TLK1: variants seen among roughly 807,000 people sequenced by gnomAD.
TLK1 encodes serine/threonine-protein kinase tousled-like 1.
A neutral mutation model predicts 105.3 loss-of-function variants in TLK1; 24 were observed. The ratio of observed to expected loss-of-function variants is 0.23; its 90% CI spans 0.17 to 0.32. The LOEUF (loss-of-function observed/expected upper bound fraction) is 0.32, where lower values mean the gene tolerates loss of function less well. TLK1 is among the 10% of genes least tolerant of loss of function. TLK1 has a pLI of 1.00. For synonymous variants in TLK1, 321 were observed against 310.4 expected, an observed-to-expected ratio of 1.03 and a Z score of -0.36; for missense variants, 558 against 910.5, an observed-to-expected ratio of 0.61 and a Z score of 4.98.
rs1692401977 is a variant in TLK1 at position 171,160,068 on chromosome 2, C to T, written c.139+222G>A. The stretch of plus-strand genomic sequence containing the variant: ...TCGCCCCGTCCCCACCAGCGCGCAC[C>T]CCCTCGTCCGTCTCCTCCGCCACCC... On this transcript the variant is annotated intron_variant, in intron 1 of 20. Transcript: ENST00000431350. The surrounding 1 kb of genome is among the most constrained non-coding windows in gnomAD (Gnocchi z 4.4). Among the ~76,000 whole-genome samples the T allele has an allele frequency of 6.6e-6, 1 of 152,162 alleles. No individual in the cohort carries two copies. Among genetic ancestry groups the T allele is most frequent in the Non-Finnish European group, 1.5e-5 (1 of 68,006 alleles).
At chr2:171,156,684 A>T (rs1041599819) in intron 1 of TLK1, among the ~76,000 whole-genome samples, 4 of 152,240 alleles carry the variant, frequency 2.6e-5, no homozygotes, top group African/African-American at 9.6e-5. Flanking sequence ...AGTGATTTCA[A>T]AAAATTAAAG....
chr2:171,056,421 T>C, intron 6 of TLK1, 50 bp downstream of exon 6: 1 of 1,483,238 alleles, frequency 6.7e-7, no homozygotes, highest in Non-Finnish European at 9.4e-7. Flanking sequence ...TTATTCAGTG[T>C]ACATAACCCT....
intron 1 of TLK1, among the ~76,000 whole-genome samples, chr2:171,221,784 GA>G (rs759152757): frequency 1.3e-5 from 2 of 152,052 alleles, no homozygotes; most frequent in African/African-American, 2.4e-5. Flanking sequence ...TGTACACATG[GA>G]AAAAAACATT....
intron 18 of TLK1, among the ~76,000 whole-genome samples, chr2:171,000,778 A>C (rs937470886): frequency 2.0e-5 from 3 of 152,170 alleles, no homozygotes; most frequent in African/African-American, 7.2e-5. Context: ...CAGTGCCTGT[A>C]TTATAGAAGG....
chr2:171,154,429 C>T (rs953739691), intron 1 of TLK1: 1 of 151,750 alleles, frequency 6.6e-6, no homozygotes, highest in African/African-American at 2.4e-5. Context: ...AAAAAACCAA[C>T]CTGAGAGTCA....
upstream of TLK1, among the ~76,000 whole-genome samples, chr2:171,163,183 T>G (rs550921836): frequency 6.6e-6 from 1 of 152,248 alleles, no homozygotes; most frequent in Admixed American, 6.5e-5. Flanking sequence ...TTAAGTAGTA[T>G]TACACTGAAT....
intron 1 of TLK1, chr2:171,155,780 A>G (rs1004556179): frequency 6.6e-6 from 1 of 152,152 alleles, no homozygotes. Context: ...CACTGTTCCA[A>G]GTCTAGTTGT....
upstream of TLK1, among the ~76,000 whole-genome samples, chr2:171,161,206 C>G (rs1229728147): frequency 6.7e-6 from 1 of 150,060 alleles, no homozygotes; most frequent in Non-Finnish European, 1.5e-5. Flanking sequence ...GCGCCCCCGC[C>G]GCGCCGCTCG....
intron 3 of TLK1, among the ~76,000 whole-genome samples, chr2:171,065,017 G>A (rs547945352): frequency 9.7e-5 from 14 of 144,446 alleles, no homozygotes; most frequent in Admixed American, 2.7e-4. Flanking sequence ...GTAGCCTGCT[G>A]CTTTTATCTT....
At chr2:171,181,162 T>G (rs1692922899) in intron 1 of TLK1, among the ~76,000 whole-genome samples, 1 of 152,238 alleles carries the variant, frequency 6.6e-6, no homozygotes, top group Non-Finnish European at 1.5e-5. Context: ...TTTAATGATC[T>G]TGAAACAAAA....
intron 1 of TLK1, among the ~76,000 whole-genome samples, chr2:171,142,705 CA>C (rs1487751772): frequency 6.6e-6 from 1 of 152,110 alleles, no homozygotes; most frequent in Non-Finnish European, 1.5e-5. Context: ...TGAATAGGAG[CA>C]AACAAATGCA....
rs1463326116 is a variant in TLK1, at chr2:171,054,054, A to G, written c.640-201T>C. ...CAGACTTACCAAGAAACATCTAGAA[A>G]GGCCAATTACTTAGAATACTGATGT... On this transcript the variant is annotated intron_variant, in intron 7 of 20. Coordinates refer to ENST00000431350, the MANE Select transcript of TLK1 (RefSeq NM_012290.5). The G allele has an allele frequency of 7.4e-6, 3 of 407,056 alleles. No homozygotes were observed. In the Admixed American group the frequency reaches 1.3e-4, roughly 18 times the overall value. 25.2% of individuals were successfully genotyped at this position (407,056 alleles called of 1,614,324 possible).
chr2:171,106,333 C>T (rs1197251293), intron 2 of TLK1, among the ~76,000 whole-genome samples: 1 of 152,168 alleles, frequency 6.6e-6, no homozygotes, highest in African/African-American at 2.4e-5. Flanking sequence ...ACTGGAAGAG[C>T]AGATTTCGAA....
intron 3 of TLK1, chr2:171,081,631 A>G: frequency 7.7e-7 from 1 of 1,303,150 alleles, no homozygotes; most frequent in Non-Finnish European, 1.0e-6. Context: ...AGGGGCTACT[A>G]ACGCTTACCT....
intron 2 of TLK1, among the ~76,000 whole-genome samples, chr2:171,089,936 G>T (rs1414606098): frequency 6.6e-6 from 1 of 152,088 alleles, no homozygotes; most frequent in African/African-American, 2.4e-5. Flanking sequence ...ACCATTCTTG[G>T]TCTTTACATT....
At chr2:171,132,237 T>C (rs779402788) in intron 1 of TLK1, among the ~76,000 whole-genome samples, 3 of 152,122 alleles carry the variant, frequency 2.0e-5, no homozygotes, top group Non-Finnish European at 4.4e-5. Context: ...TGCCAAACAC[T>C]TACAAAACCA....
chr2:171,135,307 GTGTGTGTGTGTGTATATATA>G (rs1691263845), intron 1 of TLK1, among the ~76,000 whole-genome samples: 3 of 101,960 alleles, frequency 2.9e-5, no homozygotes, highest in African/African-American at 1.7e-4. Flanking sequence ...GTGTGTTTGT[GTGTGTGTGTGTGTATATATA>G]TATATATATA....
At chr2:171,115,574 C>G (rs1175552386) in intron 2 of TLK1, among the ~76,000 whole-genome samples, 1 of 152,080 alleles carries the variant, frequency 6.6e-6, no homozygotes, top group South Asian at 2.1e-4. Context: ...TTTCCACCCA[C>G]GATGGCCAAG....
At chr2:171,096,914 G>C (rs1176082728) in intron 2 of TLK1, among the ~76,000 whole-genome samples, 1 of 152,080 alleles carries the variant, frequency 6.6e-6, no homozygotes. Flanking sequence ...CACCCAAAGT[G>C]ATCTACAGAT....
Sources: gnomAD v4.1 joint callset for allele counts (sites outside exome capture counted in the v4.1 genomes callset) on GRCh38, gnomAD v4.1.1 for gene constraint, Gnocchi (gnomAD v3.1) non-coding constraint, MANE v1.5 for transcripts, NCBI Gene and HGNC (gene_info 2026-07-23, HGNC 2026-07-21) for gene names.